The following RSPH14 variants were observed in gnomAD, a reference collection of about 807,000 sequenced individuals.
The protein encoded by RSPH14 is radial spoke head 14 homolog.
A neutral mutation model predicts 26.7 loss-of-function variants in RSPH14; 20 were observed. The observed-to-expected ratio is 0.75, with a 90% CI of 0.53 to 1.09. RSPH14 has a LOEUF of 1.09. Ranked by LOEUF, RSPH14 falls within the 50% of genes least tolerant of loss-of-function variation. RSPH14 has a pLI of 0.00. For missense variants in RSPH14, 449 were observed against 457.2 expected (o/e 0.98, Z 0.16); for synonymous variants, 177 against 189.3 (o/e 0.93, Z 0.53).
chr22:23,175,014 T>TC, the RSPH14 span, among the ~76,000 whole-genome samples: 74 of 147,468 alleles, frequency 5.0e-4, no homozygotes, highest in African/African-American at 1.8e-3. Context: ...TTTTTTTTTT[T>TC]CAGACAGAGT....
intron 6 of RSPH14, 93 bp from the exon 7 acceptor site, chr22:23,059,811 T>A: frequency 7.3e-7 from 1 of 1,366,400 alleles, no homozygotes; most frequent in Non-Finnish European, 9.7e-7. Context: ...CTCCTCCTTG[T>A]GCAGTCTCAA....
At chr22:23,070,318 C>A (rs1022744375) in intron 4 of RSPH14, 7 of 144,444 alleles carry the variant, frequency 4.8e-5, no homozygotes, top group Admixed American at 4.8e-4. Context: ...CCCCTGCCGG[C>A]GGCGGCGCGG....
At chr22:23,163,860 C>A in the RSPH14 span, 7 of 152,228 alleles carry the variant, frequency 4.6e-5, no homozygotes, top group Non-Finnish European at 8.8e-5. Flanking sequence ...GCGCCAAGGC[C>A]TCTCCCTGAT....
upstream of RSPH14, chr22:23,146,588 C>A (rs117152978): frequency 0.019 from 30,236 of 1,612,466 alleles, 366 homozygotes; most frequent in Non-Finnish European, 0.022. Flanking sequence ...CTGTCTTTCT[C>A]CTGGTTGGGT....
chr22:23,065,140 G>C (rs1276072382), intron 4 of RSPH14, among the ~76,000 whole-genome samples: 1 of 152,198 alleles, frequency 6.6e-6, no homozygotes, highest in Non-Finnish European at 1.5e-5. Context: ...TCTAGAGAGA[G>C]AAATAAACAG....
At chr22:23,059,856 C>G (rs2068054813) in intron 6 of RSPH14, 138 bp from the exon 7 acceptor site, 1 of 928,350 alleles carries the variant, frequency 1.1e-6, no homozygotes, top group Non-Finnish European at 1.5e-6. Flanking sequence ...CACCAACATG[C>G]CCTCACCCTC....
At chr22:23,163,774 T>C in the RSPH14 span, 1 of 152,198 alleles carries the variant, frequency 6.6e-6, no homozygotes, top group Non-Finnish European at 1.5e-5. Context: ...CTAGTGTTGA[T>C]GGCTTGTTTG....
intron 4 of RSPH14, chr22:23,095,661 C>A: frequency 6.4e-7 from 1 of 1,570,204 alleles, no homozygotes; most frequent in Admixed American, 1.8e-5. Flanking sequence ...GTGCCCCATC[C>A]CGTGCTCCTT....
chr22:23,116,136 T>C (rs1382130691), intron 4 of RSPH14, among the ~76,000 whole-genome samples: 2 of 152,260 alleles, frequency 1.3e-5, no homozygotes, highest in East Asian at 3.8e-4. Context: ...TGGGTAAGCC[T>C]TGCTTCGTGA....
At chr22:23,131,711 A>C in intron 4 of RSPH14, 31 of 1,097,854 alleles carry the variant, frequency 2.8e-5, no homozygotes, top group Non-Finnish European at 3.6e-5. Flanking sequence ...AATTTAGCTC[A>C]ACCCAGCACT....
the RSPH14 span, among the ~76,000 whole-genome samples, chr22:23,166,741 T>C: frequency 6.6e-6 from 1 of 152,100 alleles, no homozygotes; most frequent in Non-Finnish European, 1.5e-5. Context: ...GCTCTACACC[T>C]TGGATCCCAA....
chr22:23,077,651 G>T (rs905201277), intron 4 of RSPH14, among the ~76,000 whole-genome samples: 1 of 152,194 alleles, frequency 6.6e-6, no homozygotes, highest in South Asian at 2.1e-4. Context: ...GGCATGTAAA[G>T]TACCAGGCTC....
chr22:23,136,532 A>G (rs2070488353), intron 3 of RSPH14, among the ~76,000 whole-genome samples: 1 of 138,542 alleles, frequency 7.2e-6, no homozygotes, highest in South Asian at 2.3e-4. Context: ...TCACTTCACC[A>G]TGTCTTCCTG....
At chr22:23,064,999 C>A (rs149601988) in intron 4 of RSPH14, among the ~76,000 whole-genome samples, 2 of 152,164 alleles carry the variant, frequency 1.3e-5, no homozygotes, top group Admixed American at 6.5e-5. Context: ...CCCTTCCCTA[C>A]GGCACGCAGC....
chr22:23,067,793 G>A (rs187007258), intron 4 of RSPH14, among the ~76,000 whole-genome samples: 4 of 151,866 alleles, frequency 2.6e-5, no homozygotes, highest in African/African-American at 4.8e-5. Context: ...ATAATGCCCC[G>A]CCACTGTCTC....
chr22:23,175,588 TG>T, the RSPH14 span, among the ~76,000 whole-genome samples: 4 of 152,260 alleles, frequency 2.6e-5, no homozygotes, highest in South Asian at 8.3e-4. Flanking sequence ...CCCAAAGTGC[TG>T]GGATTACAGG....
intron 1 of RSPH14, 116 bp from the exon 2 acceptor site, chr22:23,140,588 T>C: frequency 1.7e-6 from 2 of 1,173,578 alleles, no homozygotes; most frequent in Non-Finnish European, 2.3e-6. Flanking sequence ...ATTTTACAGA[T>C]GAGCAAACTG....
At chr22:23,101,969 C>G (rs1437876207) in intron 4 of RSPH14, among the ~76,000 whole-genome samples, 1 of 152,232 alleles carries the variant, frequency 6.6e-6, no homozygotes, top group Non-Finnish European at 1.5e-5. Context: ...CTGGCTTCCT[C>G]TCTATGGCCT....
chr22:23,129,753 C>G (rs2070263815), intron 4 of RSPH14, among the ~76,000 whole-genome samples: 1 of 151,324 alleles, frequency 6.6e-6, no homozygotes, highest in African/African-American at 2.4e-5. Flanking sequence ...AACCCCGTCT[C>G]TACTACAAAT....
Sources: gnomAD v4.1 joint callset for allele counts (sites outside exome capture counted in the v4.1 genomes callset) on GRCh38, gnomAD v4.1.1 for gene constraint, MANE v1.5 for transcripts, NCBI Gene and HGNC (gene_info 2026-07-23, HGNC 2026-07-21) for gene names.